The following BBS9 variants were observed in gnomAD, a reference collection of about 807,000 sequenced individuals.
The protein encoded by BBS9 is protein PTHB1.
Under a neutral mutation model 117.7 loss-of-function variants are expected in BBS9, and 89 were observed. That is an observed-to-expected ratio of 0.76 (90% confidence interval 0.64 to 0.90). The LOEUF (loss-of-function observed/expected upper bound fraction) is 0.90, where lower values mean the gene tolerates loss of function less well. BBS9 is among the 40% of genes least tolerant of loss of function. The pLI is 0.00. For missense variants in BBS9, 982 were observed against 1,042.2 expected, an observed-to-expected ratio of 0.94 and a Z score of 0.80; for synonymous variants, 379 against 370.9, an observed-to-expected ratio of 1.02 and a Z score of -0.25.
At chr7:33,173,351 C>T (rs947869347) in intron 4 of BBS9, among the ~76,000 whole-genome samples, 14 of 151,868 alleles carry the variant, frequency 9.2e-5, no homozygotes, top group East Asian at 5.8e-4. Context: ...GAGGCTGAGG[C>T]GGGTGGATCA....
chr7:33,488,992 T>C (rs1288150700), intron 19 of BBS9, among the ~76,000 whole-genome samples: 4 of 138,184 alleles, frequency 2.9e-5, no homozygotes, highest in Non-Finnish European at 6.1e-5. Flanking sequence ...AGACTTCTTT[T>C]TTTTTTTTTT....
At chr7:33,615,778 T>A (rs1246893047) in intron 21 of BBS9, among the ~76,000 whole-genome samples, 1 of 151,958 alleles carries the variant, frequency 6.6e-6, no homozygotes, top group African/African-American at 2.4e-5. Context: ...AGTTTCAAAC[T>A]GCAGAAAATC....
chr7:33,321,312 T>G (rs778124907), intron 9 of BBS9, among the ~76,000 whole-genome samples: 44 of 152,152 alleles, frequency 2.9e-4, no homozygotes, highest in African/African-American at 1.0e-3. Context: ...GTGTATAGAT[T>G]GCTTTGGGTA....
At chr7:33,488,927 T>A (rs762344859) in intron 19 of BBS9, among the ~76,000 whole-genome samples, 3 of 151,974 alleles carry the variant, frequency 2.0e-5, no homozygotes, top group Admixed American at 6.6e-5. Context: ...TTACTGGTGA[T>A]TGATAATAGC....
At position 33,536,302 on chromosome 7, in the gene BBS9, C is replaced by G. The variant is rs1778932518; in HGVS notation, c.2521+2126C>G. On this transcript the variant is annotated intron_variant, in intron 21 of 22. Transcript: ENST00000242067. ...ACTCTGTGGTTGAGTGGCTCTCCCT[C>G]CCACTTGTCTTGATCTAATCAGAAT... 2.6e-5 allele frequency among the ~76,000 whole-genome samples: 4 copies of G among 152,118 alleles called. No individual in the cohort carries two copies. In the South Asian group the frequency reaches 8.3e-4, roughly 32 times the overall value.
chr7:33,137,081 C>T (rs1045271731), intron 1 of BBS9, among the ~76,000 whole-genome samples: 12 of 152,106 alleles, frequency 7.9e-5, no homozygotes, highest in African/African-American at 2.9e-4. Flanking sequence ...GGATTATACC[C>T]AAGCCCTCAG....
At chr7:33,303,960 G>A (rs1249550886) in intron 9 of BBS9, among the ~76,000 whole-genome samples, 1 of 151,956 alleles carries the variant, frequency 6.6e-6, no homozygotes, top group Non-Finnish European at 1.5e-5. Flanking sequence ...GTCTCTGCCT[G>A]GCCGCCCATC....
intron 1 of BBS9, among the ~76,000 whole-genome samples, chr7:33,131,904 GA>G (rs1319701135): frequency 2.6e-5 from 4 of 151,914 alleles, no homozygotes; most frequent in Non-Finnish European, 5.9e-5. Context: ...ACTTGTTGTA[GA>G]AAAAAAAGTA....
intron 12 of BBS9, among the ~76,000 whole-genome samples, chr7:33,348,722 T>C (rs1394623166): frequency 6.6e-6 from 1 of 152,194 alleles, no homozygotes; most frequent in African/African-American, 2.4e-5. Context: ...TGCTAACACA[T>C]GTTATTGTCT....
chr7:33,367,990 G>A, intron 17 of BBS9, 128 bp downstream of exon 17: 1 of 772,500 alleles, frequency 1.3e-6, no homozygotes, highest in Non-Finnish European at 2.2e-6. Flanking sequence ...TAAAAGCCAT[G>A]ATATTAAGTA....
intron 19 of BBS9, among the ~76,000 whole-genome samples, chr7:33,408,500 GGAAATGCA>G (rs1253700269): frequency 6.6e-6 from 1 of 152,140 alleles, no homozygotes; most frequent in Non-Finnish European, 1.5e-5. Context: ...TACCTCAGAT[GGAAATGCA>G]GAAATCACCT....
At chr7:33,222,885 A>G (rs1790522085) in intron 5 of BBS9, among the ~76,000 whole-genome samples, 1 of 151,670 alleles carries the variant, frequency 6.6e-6, no homozygotes. Context: ...TCTGTGAGGC[A>G]GAGGTTGCAG....
chr7:33,529,098 G>A (rs1033828647), intron 20 of BBS9, among the ~76,000 whole-genome samples: 11 of 152,176 alleles, frequency 7.2e-5, no homozygotes, highest in Non-Finnish European at 5.9e-5. Context: ...AGCAGACTAG[G>A]CAAGGCCAGG....
intron 5 of BBS9, among the ~76,000 whole-genome samples, chr7:33,211,007 T>A (rs1366420676): frequency 1.3e-5 from 2 of 152,224 alleles, no homozygotes; most frequent in Non-Finnish European, 2.9e-5. Flanking sequence ...TTCTTTTGAT[T>A]TCCATTTGCA....
chr7:33,390,847 A>T (rs912220065), intron 19 of BBS9, among the ~76,000 whole-genome samples: 10 of 152,154 alleles, frequency 6.6e-5, no homozygotes, highest in African/African-American at 2.4e-4. Context: ...TCACCAGGCT[A>T]AAGAAAAACT....
rs879432500 is a variant in BBS9, at chr7:33,404,688, T to G, written c.2115+16544T>G. On this transcript the variant is annotated intron_variant, in intron 19 of 22. Coordinates refer to ENST00000242067, the MANE Select transcript of BBS9 (RefSeq NM_198428.3). ...AAGAATGCTTGTGATTTTTGTACAT[T>G]GATTTTGTATCCTGAGACTTTGCTG... Among the ~76,000 whole-genome samples, 125 of 150,446 alleles carry G rather than the reference T, an allele frequency of 8.3e-4. 1 individual carries two copies. The highest frequency in any genetic ancestry group is 2.5e-3 in the African/African-American group (104 of 41,042).
At chr7:33,183,154 C>G (rs1042630973) in intron 5 of BBS9, among the ~76,000 whole-genome samples, 1 of 152,140 alleles carries the variant, frequency 6.6e-6, no homozygotes, top group Non-Finnish European at 1.5e-5. Context: ...TGAGAGGGAT[C>G]TATTTTCAAT....
chr7:33,152,615 C>G (rs371505366), intron 2 of BBS9, 86 bp from the exon 3 acceptor site: 1 of 1,294,130 alleles, frequency 7.7e-7, no homozygotes, highest in Non-Finnish European at 1.1e-6. Context: ...TTAGATTTCT[C>G]TTTTACACAT....
At chr7:33,146,174 G>T (rs1792313289) in intron 1 of BBS9, 68 bp from the exon 2 acceptor site, 1 of 1,074,066 alleles carries the variant, frequency 9.3e-7, no homozygotes, top group Non-Finnish European at 1.4e-6. Context: ...AGTTTAATTT[G>T]CTATGCCTTA....
Sources: gnomAD v4.1 joint callset for allele counts (sites outside exome capture counted in the v4.1 genomes callset) on GRCh38, gnomAD v4.1.1 for gene constraint, MANE v1.5 for transcripts, NCBI Gene and HGNC (gene_info 2026-07-23, HGNC 2026-07-21) for gene names.